The following MYT1L variants were observed in gnomAD, a reference collection of about 807,000 sequenced individuals.
MYT1L encodes the protein myelin transcription factor 1-like protein.
A neutral mutation model predicts 126.7 loss-of-function variants in MYT1L; 12 were observed. The observed-to-expected ratio is 0.09, with a 90% confidence interval of 0.06 to 0.15. The LOEUF (loss-of-function observed/expected upper bound fraction) is 0.15, where lower values mean the gene tolerates loss of function less well. Ranked by LOEUF, MYT1L falls within the 10% of genes least tolerant of loss-of-function variation. MYT1L has a pLI of 1.00. For missense variants in MYT1L, 979 were observed against 1,585.2 expected, an observed-to-expected ratio of 0.62 and a Z score of 6.49; for synonymous variants, 541 against 604.2, an observed-to-expected ratio of 0.90 and a Z score of 1.53.
At chr2:1,950,797 G>A (rs1171884940) in intron 8 of MYT1L, among the ~76,000 whole-genome samples, 1 of 152,174 alleles carries the variant, frequency 6.6e-6, no homozygotes, top group African/African-American at 2.4e-5. Context: ...TGTAGACAGT[G>A]GGATTACTTC....
chr2:2,065,620 C>T (rs963520391), intron 3 of MYT1L, among the ~76,000 whole-genome samples: 1 of 152,148 alleles, frequency 6.6e-6, no homozygotes, highest in African/African-American at 2.4e-5. Flanking sequence ...CATGTCTACC[C>T]CGCACTTCTC....
intron 21 of MYT1L, among the ~76,000 whole-genome samples, 196 bp from the exon 22 acceptor site, chr2:1,809,363 C>T (rs1260428272): frequency 6.6e-6 from 1 of 152,192 alleles, no homozygotes; most frequent in Admixed American, 6.5e-5. Flanking sequence ...TGTGTGTGCA[C>T]TCATGCATGT....
At chr2:2,169,602 T>C (rs2148513340) in intron 3 of MYT1L, among the ~76,000 whole-genome samples, 1 of 152,340 alleles carries the variant, frequency 6.6e-6, no homozygotes, top group East Asian at 1.9e-4. Context: ...CTTTTGTGTT[T>C]GGTATTTTAT....
At chr2:2,180,564 GTGTGTGTACCTGTGTGTGCGCCTA>G (rs1444848206) in intron 2 of MYT1L, among the ~76,000 whole-genome samples, 8 of 151,346 alleles carry the variant, frequency 5.3e-5, no homozygotes, top group Admixed American at 6.6e-5. Flanking sequence ...GTGTGGGCCC[GTGTGTGTACCTGTGTGTGCGCCTA>G]TGTGTGTACC....
intron 14 of MYT1L, among the ~76,000 whole-genome samples, chr2:1,897,013 C>T (rs1056090646): frequency 1.3e-5 from 2 of 152,024 alleles, no homozygotes; most frequent in African/African-American, 2.4e-5. Context: ...TGGATGGTAC[C>T]GAATTTTAGT....
At chr2:2,086,171 C>T (rs1455528630) in intron 3 of MYT1L, among the ~76,000 whole-genome samples, 1 of 152,082 alleles carries the variant, frequency 6.6e-6, no homozygotes, top group East Asian at 1.9e-4. Context: ...GAGGGCCAGA[C>T]CTCACAGTTT....
chr2:2,322,145 A>G (rs892067185), intron 1 of MYT1L, among the ~76,000 whole-genome samples: 20 of 152,046 alleles, frequency 1.3e-4, no homozygotes, highest in Admixed American at 3.3e-4. Flanking sequence ...CCTTTTGAAT[A>G]AAAAATATTT....
chr2:2,157,217 A>T (rs1051074677), intron 3 of MYT1L, among the ~76,000 whole-genome samples: 2 of 152,246 alleles, frequency 1.3e-5, no homozygotes, highest in Non-Finnish European at 2.9e-5. Flanking sequence ...AGCCTGTAAA[A>T]TATAATGAAA....
chr2:2,007,485 A>G (rs2063444728), intron 4 of MYT1L, among the ~76,000 whole-genome samples: 1 of 152,236 alleles, frequency 6.6e-6, no homozygotes, highest in South Asian at 2.1e-4. Context: ...GAGAGCTTCA[A>G]TATTTAACAG....
At chr2:2,301,798 G>C (rs918554427) in intron 1 of MYT1L, among the ~76,000 whole-genome samples, 2 of 144,212 alleles carry the variant, frequency 1.4e-5, no homozygotes, top group Admixed American at 7.2e-5. Flanking sequence ...CTGCATTCCA[G>C]CCTGAGCAAC....
At chr2:2,037,814 A>C (rs538571832) in intron 4 of MYT1L, among the ~76,000 whole-genome samples, 124 of 151,098 alleles carry the variant, frequency 8.2e-4, no homozygotes, top group Middle Eastern at 3.4e-3. Flanking sequence ...CAAAAAAAAA[A>C]CCCCCTACAC....
At chr2:2,173,809 A>G (rs78887583) in intron 2 of MYT1L, among the ~76,000 whole-genome samples, 12,563 of 152,260 alleles carry the variant, frequency 0.083, 610 homozygotes, top group South Asian at 0.18. Flanking sequence ...GAAGTGTGTC[A>G]GGAGAACGAA....
In MYT1L at chr2:1,903,310, A is replaced by C. The variant is rs1201820435; in HGVS notation, c.1818-16T>G. ...GCACATTGGCCTGGAAGTAAACAAG[A>C]AAACAAACAACAGCTTGCTTTCCTG... On this transcript the variant is annotated splice_polypyrimidine_tract_variant and intron_variant, in intron 13 of 24. Transcript: ENST00000647738. The C allele has an allele frequency of 6.3e-7, 1 of 1,598,896 alleles. No individual in the cohort carries two copies. The highest frequency in any genetic ancestry group is 8.5e-7 in the Non-Finnish European group (1 of 1,170,346).
chr2:1,991,176 T>A (rs536451500), intron 5 of MYT1L, among the ~76,000 whole-genome samples: 1 of 152,296 alleles, frequency 6.6e-6, no homozygotes, highest in East Asian at 1.9e-4. Context: ...AAGTTTCCAT[T>A]GAAATCTCTG....
At chr2:2,028,241 A>C (rs1054884359) in intron 4 of MYT1L, among the ~76,000 whole-genome samples, 1 of 152,246 alleles carries the variant, frequency 6.6e-6, no homozygotes, top group African/African-American at 2.4e-5. Flanking sequence ...GGGAGTGAGC[A>C]CATGCTCGTA....
intron 2 of MYT1L, among the ~76,000 whole-genome samples, chr2:2,269,773 T>G (rs1267930244): frequency 1.3e-5 from 2 of 152,192 alleles, no homozygotes; most frequent in Non-Finnish European, 2.9e-5. Flanking sequence ...GCCTTCTGCC[T>G]GAACGTCTTT....
chr2:1,801,602 A>G lies in MYT1L; in HGVS notation c.3276+94T>C. 1 of 762,556 alleles carries G rather than the reference A, an allele frequency of 1.3e-6. No homozygotes were observed. The highest frequency in any genetic ancestry group is 2.4e-5 in the Admixed American group (1 of 41,066). The allele number at this position is 762,556 out of a possible 1,614,324, so 47.2% of individuals were successfully genotyped here. A position where few individuals can be genotyped will look rare whatever the true frequency, so the allele number is the denominator to read the frequency against. On this transcript the variant is annotated intron_variant, in intron 23 of 24. Transcript: ENST00000647738. The surrounding 1 kb of genome is among the most constrained non-coding windows in gnomAD (Gnocchi z 4.2). ...GGAAATAAAAGAGCAAATAAGAGGA[A>G]ACGACAGCTCTCCTAAAAGCTGATT...
At chr2:2,088,795 G>A (rs1433977476) in intron 3 of MYT1L, among the ~76,000 whole-genome samples, 2 of 152,042 alleles carry the variant, frequency 1.3e-5, no homozygotes, top group Admixed American at 6.6e-5. Flanking sequence ...GAACAATTAC[G>A]ACCAGTTTTA....
chr2:2,148,300 C>T (rs2085203156), intron 3 of MYT1L, among the ~76,000 whole-genome samples: 1 of 152,190 alleles, frequency 6.6e-6, no homozygotes, highest in Non-Finnish European at 1.5e-5. Context: ...TGAAACTGTT[C>T]CATCAGGCAT....
Sources: allele counts gnomAD v4.1 joint callset (sites outside exome capture counted in the v4.1 genomes callset), GRCh38; gene constraint gnomAD v4.1.1; non-coding constraint Gnocchi (gnomAD v3.1); transcripts MANE v1.5; gene names NCBI Gene and HGNC (gene_info 2026-07-23, HGNC 2026-07-21).